Variants in IRAG2 observed in about 807,000 individuals in gnomAD.
IRAG2 encodes lymphoid restricted membrane protein.
IRAG2 carries 45 observed loss-of-function variants against 69.9 expected under a neutral mutation model. The ratio of observed to expected loss-of-function variants is 0.64; its 90% confidence interval spans 0.51 to 0.83. The LOEUF is 0.83. Ranked by LOEUF, IRAG2 falls within the 40% of genes least tolerant of loss-of-function variation. The probability of loss-of-function intolerance (pLI) is 0.00; values close to 1 mark genes in which losing one functional copy is unlikely to be tolerated. For missense variants in IRAG2, 520 were observed against 587.0 expected (o/e 0.89, Z 1.18); for synonymous variants, 193 against 202.4 (o/e 0.95, Z 0.40).
At chr12:25,022,036 G>A (rs1497264) in intron 7 of IRAG2, among the ~76,000 whole-genome samples, 1,623 of 152,224 alleles carry the variant, frequency 0.011, 35 homozygotes, top group African/African-American at 0.037. Context: ...TTCAAGCTCC[G>A]GCTCCAAGGG....
intron 3 of IRAG2, chr12:25,015,105 A>AG: frequency 2.8e-6 from 1 of 355,086 alleles, no homozygotes. Context: ...AAAAAAAAAA[A>AG]AAAAAAAGAC....
chr12:25,089,957 G>C, intron 13 of IRAG2, 100 bp from the exon 14 acceptor site: 3 of 1,366,306 alleles, frequency 2.2e-6, no homozygotes, highest in Non-Finnish European at 3.1e-6. Flanking sequence ...TTGCTGGGGG[G>C]AGAAAGAAAT....
At chr12:25,072,631 T>G (rs2140046536) in intron 6 of IRAG2, among the ~76,000 whole-genome samples, 1 of 152,386 alleles carries the variant, frequency 6.6e-6, no homozygotes, top group East Asian at 1.9e-4. Flanking sequence ...AATATATGTT[T>G]ATCATCCCAG....
At chr12:25,096,144 C>A (rs1948404820) in intron 14 of IRAG2, among the ~76,000 whole-genome samples, 1 of 151,894 alleles carries the variant, frequency 6.6e-6, no homozygotes, top group Non-Finnish European at 1.5e-5. Flanking sequence ...AACAGCAAAT[C>A]AGAAAGGTTG....
At chr12:25,094,554 C>T (rs1484866984) in intron 14 of IRAG2, among the ~76,000 whole-genome samples, 1 of 151,974 alleles carries the variant, frequency 6.6e-6, no homozygotes, top group Non-Finnish European at 1.5e-5. Context: ...ATTAGGGTCC[C>T]TTTAGATTCC....
chr12:25,091,496 C>T (rs542611227), intron 14 of IRAG2, among the ~76,000 whole-genome samples: 4 of 152,064 alleles, frequency 2.6e-5, no homozygotes, highest in African/African-American at 7.2e-5. Flanking sequence ...ATTCATACAT[C>T]GATGGGCATT....
intron 14 of IRAG2, among the ~76,000 whole-genome samples, chr12:25,036,278 T>A (rs1383671077): frequency 1.3e-5 from 2 of 151,974 alleles, no homozygotes; most frequent in African/African-American, 4.9e-5. Context: ...ATTTTGTACA[T>A]TTTGGTACAT....
At chr12:25,084,804 T>C (rs1947460469) in intron 10 of IRAG2, among the ~76,000 whole-genome samples, 1 of 152,228 alleles carries the variant, frequency 6.6e-6, no homozygotes, top group Admixed American at 6.5e-5. Flanking sequence ...CAGAGGCGAT[T>C]GATTCCAAGA....
At chr12:25,001,984 T>C (rs1406688342), upstream of IRAG2, among the ~76,000 whole-genome samples, 1 of 152,096 alleles carries the variant, frequency 6.6e-6, no homozygotes, top group Admixed American at 6.5e-5. Context: ...TTGGTCAGGC[T>C]GGTCTCGAAC....
chr12:25,053,779 T>C (rs968389814), intron 1 of IRAG2, among the ~76,000 whole-genome samples: 2 of 150,940 alleles, frequency 1.3e-5, no homozygotes, highest in East Asian at 1.9e-4. Context: ...TATTTGTTAA[T>C]TGTTATATAA....
intron 7 of IRAG2, among the ~76,000 whole-genome samples, chr12:25,022,907 C>T (rs2139837706): frequency 1.3e-5 from 2 of 152,298 alleles, no homozygotes; most frequent in Admixed American, 1.3e-4. Context: ...GGGCAGATCA[C>T]CTGGGGTCAG....
rs1947779882 is a variant in IRAG2, at chr12:25,088,216, G to T, written c.373+59G>T. On this transcript the variant is annotated intron_variant, in intron 11 of 21. Coordinates refer to ENST00000556887, the MANE Select transcript of IRAG2 (RefSeq NM_001366544.2). ...TTTTGTTCTCTGCTGATATTTTTGT[G>T]GGTGAAATCTGTCTGAATAAAGCTA... 7 of 1,385,388 alleles carry T rather than the reference G, an allele frequency of 5.1e-6. No homozygotes were observed. In the Admixed American group the frequency reaches 1.2e-4, roughly 23 times the overall value. The allele number at this position is 1,385,388 out of a possible 1,614,324, so 85.8% of individuals were successfully genotyped here.
At chr12:25,044,897 G>T (rs1388690118) in intron 16 of IRAG2, among the ~76,000 whole-genome samples, 3 of 152,100 alleles carry the variant, frequency 2.0e-5, no homozygotes, top group Non-Finnish European at 4.4e-5. Context: ...GGCTTGAATG[G>T]CACTAGAGAG....
chr12:25,011,787 T>C (rs1333970879), intron 3 of IRAG2, among the ~76,000 whole-genome samples: 1 of 152,272 alleles, frequency 6.6e-6, no homozygotes, highest in East Asian at 1.9e-4. Flanking sequence ...ATATTGATGC[T>C]GGGAGTGGGC....
chr12:25,084,990 C>T (rs766967265), intron 10 of IRAG2, among the ~76,000 whole-genome samples: 65 of 152,376 alleles, frequency 4.3e-4, no homozygotes, highest in Admixed American at 1.8e-3. Context: ...GGGGAACATG[C>T]AGACCAGCAG....
chr12:25,079,154 G>C lies in IRAG2; in HGVS notation c.25-90G>C, dbSNP rs1249956317. ...AGCTGAGTAAATATGGGTTCATTTAGAATTGTATGAAAATGTTTGCTTAAA... is the reference window on the plus strand; with the variant it reads ...AGCTGAGTAAATATGGGTTCATTTACAATTGTATGAAAATGTTTGCTTAAA... On this transcript the variant is annotated intron_variant, in intron 6 of 21. Transcript: ENST00000556887. 3 of 1,291,148 alleles carry C rather than the reference G, an allele frequency of 2.3e-6. No individual in the cohort carries two copies. The East Asian group carries it at 6.9e-5, about 30-fold the overall frequency. 80.0% of individuals were successfully genotyped at this position (1,291,148 alleles called of 1,614,324 possible).
At chr12:25,054,391 A>G (rs1945091237) in intron 1 of IRAG2, among the ~76,000 whole-genome samples, 1 of 152,190 alleles carries the variant, frequency 6.6e-6, no homozygotes, top group East Asian at 1.9e-4. Context: ...TTGCCTTTTG[A>G]TTAAATCAAT....
At chr12:25,088,698 T>C (rs1047144269) in intron 11 of IRAG2, among the ~76,000 whole-genome samples, 1 of 152,226 alleles carries the variant, frequency 6.6e-6, no homozygotes, top group Non-Finnish European at 1.5e-5. Context: ...TATTCTATGC[T>C]GAGAACTAGG....
chr12:25,028,795 T>C (rs1254933414), intron 9 of IRAG2, among the ~76,000 whole-genome samples: 2 of 152,212 alleles, frequency 1.3e-5, no homozygotes, highest in African/African-American at 4.8e-5. Context: ...GTTTTCCAGT[T>C]TCCTAGCAGA....
Sources: gnomAD v4.1 joint callset for allele counts (sites outside exome capture counted in the v4.1 genomes callset) on GRCh38, gnomAD v4.1.1 for gene constraint, MANE v1.5 for transcripts, NCBI Gene and HGNC (gene_info 2026-07-23, HGNC 2026-07-21) for gene names.